KIAA1217: variants seen among roughly 807,000 people sequenced by gnomAD.
KIAA1217 encodes sickle tail protein homolog.
A neutral mutation model predicts 163.9 loss-of-function variants in KIAA1217; 88 were observed. The observed-to-expected ratio is 0.54, with a 90% confidence interval of 0.45 to 0.64. The LOEUF is 0.64. Among genes scored for constraint, KIAA1217 ranks in the 30% least tolerant of loss-of-function variants. The pLI is 0.00. For synonymous variants in KIAA1217, 903 were observed against 923.1 expected (o/e 0.98, Z 0.39); for missense variants, 2,372 against 2,475.0 (o/e 0.96, Z 0.88).
chr10:24,480,366 G>C (rs973246015), intron 6 of KIAA1217, among the ~76,000 whole-genome samples: 1 of 152,178 alleles, frequency 6.6e-6, no homozygotes, highest in East Asian at 1.9e-4. Context: ...ATTATTGATA[G>C]AGCTTGCTAT....
intron 3 of KIAA1217, among the ~76,000 whole-genome samples, chr10:24,402,364 C>A (rs1372773094): frequency 6.6e-6 from 1 of 151,848 alleles, no homozygotes; most frequent in African/African-American, 2.4e-5. Flanking sequence ...AAAAAATTAG[C>A]CGGGCGTATT....
chr10:24,475,891 G>C (rs1404488297), intron 6 of KIAA1217, among the ~76,000 whole-genome samples: 1 of 152,182 alleles, frequency 6.6e-6, no homozygotes, highest in East Asian at 1.9e-4. Context: ...TTGGGAAATG[G>C]TATGTTGCTG....
intron 1 of KIAA1217, among the ~76,000 whole-genome samples, chr10:23,934,610 T>A (rs1158022181): frequency 2.5e-5 from 2 of 81,282 alleles, no homozygotes; most frequent in Admixed American, 1.1e-4. Flanking sequence ...TATATATGTA[T>A]ATATATATAT....
chr10:23,846,296 G>A (rs71519854), intron 1 of KIAA1217, among the ~76,000 whole-genome samples: 1 of 152,148 alleles, frequency 6.6e-6, no homozygotes, highest in East Asian at 1.9e-4. Context: ...GATGGGGATA[G>A]CATTGAATCT....
intron 1 of KIAA1217, among the ~76,000 whole-genome samples, chr10:23,725,879 T>C (rs1474095338): frequency 6.6e-6 from 1 of 152,238 alleles, no homozygotes; most frequent in Non-Finnish European, 1.5e-5. Flanking sequence ...TGCTAATAGA[T>C]ATGTATACCA....
intron 1 of KIAA1217, among the ~76,000 whole-genome samples, chr10:23,934,449 G>A (rs765336061): frequency 7.0e-4 from 104 of 149,004 alleles, no homozygotes; most frequent in Admixed American, 3.3e-3. Flanking sequence ...CATGGCACAC[G>A]TATACCTATG....
intron 2 of KIAA1217, among the ~76,000 whole-genome samples, chr10:24,013,392 G>A (rs1847333072): frequency 6.6e-6 from 1 of 151,746 alleles, no homozygotes; most frequent in Non-Finnish European, 1.5e-5. Context: ...TAAATAAGGT[G>A]TCTTTAAGCA....
At chr10:23,747,315 A>G (rs1023874872) in intron 1 of KIAA1217, among the ~76,000 whole-genome samples, 34 of 152,216 alleles carry the variant, frequency 2.2e-4, no homozygotes, top group Non-Finnish European at 2.9e-5. Flanking sequence ...TATTTATTCC[A>G]GACTTTGGAT....
intron 1 of KIAA1217, among the ~76,000 whole-genome samples, chr10:23,810,957 A>ATAT (rs1837006019): frequency 8.5e-6 from 1 of 117,688 alleles, no homozygotes; most frequent in Non-Finnish European, 1.6e-5. Context: ...ATTATATAAT[A>ATAT]TATATAGTAT....
intron 1 of KIAA1217, among the ~76,000 whole-genome samples, chr10:23,969,019 A>G (rs535810474): frequency 4.8e-4 from 73 of 152,158 alleles, no homozygotes; most frequent in Non-Finnish European, 9.0e-4. Flanking sequence ...GGCACATAGA[A>G]GCTCTATGTT....
intron 2 of KIAA1217, among the ~76,000 whole-genome samples, chr10:24,293,023 C>T (rs979665509): frequency 3.9e-5 from 6 of 152,154 alleles, no homozygotes; most frequent in Admixed American, 2.0e-4. Flanking sequence ...AATGCATGCT[C>T]GGGAAGTTGT....
At chr10:24,461,172 A>C (rs979237013) in intron 5 of KIAA1217, among the ~76,000 whole-genome samples, 2 of 152,174 alleles carry the variant, frequency 1.3e-5, no homozygotes, top group Admixed American at 6.6e-5. Flanking sequence ...GATCAACATC[A>C]ATTCATTGTT....
intron 2 of KIAA1217, among the ~76,000 whole-genome samples, chr10:24,350,992 G>A (rs1282422719): frequency 6.6e-6 from 1 of 152,024 alleles, no homozygotes; most frequent in African/African-American, 2.4e-5. Context: ...CGTCACCAAG[G>A]TTGGAGTGCA....
At chr10:24,441,452 C>G (rs377517503) in intron 5 of KIAA1217, among the ~76,000 whole-genome samples, 3 of 152,170 alleles carry the variant, frequency 2.0e-5, no homozygotes, top group African/African-American at 7.2e-5. Flanking sequence ...AACTCTCCAT[C>G]TAAAACAGTC....
chr10:24,513,571 C>T (rs566410680), intron 10 of KIAA1217, 137 bp downstream of exon 10: 2 of 766,734 alleles, frequency 2.6e-6, no homozygotes, highest in African/African-American at 3.5e-5. Context: ...TAGAGTTCTG[C>T]TGATGCTGGT....
chr10:23,724,925 G>T (rs1304721235), intron 1 of KIAA1217, among the ~76,000 whole-genome samples: 1 of 152,138 alleles, frequency 6.6e-6, no homozygotes, highest in Non-Finnish European at 1.5e-5. Context: ...TCTGGTCCAT[G>T]ACTCTGGCTT....
intron 1 of KIAA1217, among the ~76,000 whole-genome samples, chr10:23,778,012 G>A (rs544761789): frequency 5.3e-5 from 8 of 151,292 alleles, no homozygotes; most frequent in East Asian, 2.0e-4. Flanking sequence ...GTGTGATCTC[G>A]GCTCACTGTA....
chr10:24,375,950 A>G (rs1273658192), intron 2 of KIAA1217, among the ~76,000 whole-genome samples: 1 of 152,214 alleles, frequency 6.6e-6, no homozygotes, highest in Non-Finnish European at 1.5e-5. Flanking sequence ...ACGGGAATGA[A>G]AAATACATCA....
At chr10:24,196,654 G>A (rs1264811133) in intron 2 of KIAA1217, among the ~76,000 whole-genome samples, 1 of 152,174 alleles carries the variant, frequency 6.6e-6, no homozygotes, top group Non-Finnish European at 1.5e-5. Context: ...AGGGGTTTGC[G>A]TTCCTGCTGG....
Sources: gnomAD v4.1 joint callset for allele counts (sites outside exome capture counted in the v4.1 genomes callset) on GRCh38, gnomAD v4.1.1 for gene constraint, MANE v1.5 for transcripts, NCBI Gene and HGNC (gene_info 2026-07-23, HGNC 2026-07-21) for gene names.